Variants in WDSUB1 observed in about 807,000 individuals in gnomAD.
The protein encoded by WDSUB1 is WD repeat, SAM and U-box domain-containing protein 1.
WDSUB1 carries 49 observed loss-of-function variants against 53.9 expected under a neutral mutation model. The observed-to-expected ratio is 0.91, with a 90% confidence interval of 0.72 to 1.15. WDSUB1 has a LOEUF of 1.15. WDSUB1 is among the 50% of genes most tolerant of loss of function. WDSUB1 has a pLI of 0.00. For missense variants in WDSUB1, 514 were observed against 562.0 expected (o/e 0.91, Z 0.86); for synonymous variants, 194 against 200.6 (o/e 0.97, Z 0.28).
chr2:159,242,204 C>T (rs2060671469), intron 10 of WDSUB1, among the ~76,000 whole-genome samples: 1 of 146,804 alleles, frequency 6.8e-6, no homozygotes, highest in Non-Finnish European at 1.5e-5. Context: ...GCACACGCCA[C>T]CACACCCAGC....
chr2:159,274,914 TG>T (rs1241755911), intron 4 of WDSUB1, among the ~76,000 whole-genome samples: 1 of 152,028 alleles, frequency 6.6e-6, no homozygotes. Context: ...ACAAAGAAGA[TG>T]GTGAGCTTTT....
chr2:159,241,676 C>A (rs1470661294), intron 10 of WDSUB1, among the ~76,000 whole-genome samples: 2 of 147,028 alleles, frequency 1.4e-5, no homozygotes, highest in Admixed American at 1.3e-4. Context: ...GGAATGTATA[C>A]AAATGTACCT....
chr2:159,270,983 C>T (rs1054248708), intron 5 of WDSUB1, among the ~76,000 whole-genome samples: 1 of 152,168 alleles, frequency 6.6e-6, no homozygotes, highest in Non-Finnish European at 1.5e-5. Context: ...AAGGTTCCAA[C>T]CACTTTGTTC....
intron 2 of WDSUB1, 90 bp from the exon 3 acceptor site, chr2:159,280,035 A>G: frequency 8.4e-7 from 1 of 1,189,156 alleles, no homozygotes; most frequent in Non-Finnish European, 1.1e-6. Context: ...CAGTGAAAAG[A>G]GAATAAATGG....
At chr2:159,250,510 T>G (rs2060927683) in intron 9 of WDSUB1, among the ~76,000 whole-genome samples, 1 of 152,220 alleles carries the variant, frequency 6.6e-6, no homozygotes, top group Admixed American at 6.5e-5. Flanking sequence ...CAGCACAGTG[T>G]TAGCTGATCA....
At position 159,247,891 on chromosome 2, in the gene WDSUB1, ATATATATATAT is replaced by A. The variant is rs1559531696; in HGVS notation, c.1273+470_1273+480del. ...CTGTAGGCCAAAATTAAATAAATAT[ATATATATATAT>A]ATATATAAATATATATATATATATA... On this transcript the variant is annotated intron_variant, in intron 10 of 10. Coordinates refer to ENST00000359774, the MANE Select transcript of WDSUB1 (RefSeq NM_001128212.3). Among the ~76,000 whole-genome samples the A allele has an allele frequency of 6.0e-4, 13 of 21,834 alleles. 1 individual carries two copies. Among genetic ancestry groups the A allele is most frequent in the Admixed American group, 1.5e-3 (2 of 1,322 alleles). 14.3% of individuals were successfully genotyped at this position (21,834 alleles called of 152,430 possible).
chr2:159,258,425 G>A (rs986107097), intron 6 of WDSUB1, among the ~76,000 whole-genome samples: 2 of 152,190 alleles, frequency 1.3e-5, no homozygotes, highest in Admixed American at 1.3e-4. Flanking sequence ...TCGGGAGGCC[G>A]AGGCAGGTGG....
chr2:159,282,150 T>G (rs770410917), intron 2 of WDSUB1, among the ~76,000 whole-genome samples: 3 of 152,122 alleles, frequency 2.0e-5, no homozygotes, highest in Non-Finnish European at 4.4e-5. Flanking sequence ...AGAATCATAT[T>G]AAACAACTCT....
At chr2:159,283,840 G>T (rs943930108) in intron 1 of WDSUB1, among the ~76,000 whole-genome samples, 5 of 152,058 alleles carry the variant, frequency 3.3e-5, no homozygotes, top group Admixed American at 3.3e-4. Flanking sequence ...GTTGAGACAG[G>T]ATCTCCCTCT....
At chr2:159,250,751 C>A (rs759364406) in intron 9 of WDSUB1, among the ~76,000 whole-genome samples, 3 of 152,058 alleles carry the variant, frequency 2.0e-5, no homozygotes, top group Admixed American at 2.0e-4. Context: ...ATAAGAGGTA[C>A]ATAAGATTAA....
intron 10 of WDSUB1, among the ~76,000 whole-genome samples, chr2:159,242,671 A>C (rs75185525): frequency 0.035 from 5,210 of 147,730 alleles, 622 homozygotes; most frequent in African/African-American, 0.074. Flanking sequence ...TAAATAAAGT[A>C]TGCATCATAA....
intron 5 of WDSUB1, among the ~76,000 whole-genome samples, chr2:159,261,888 ATATATATATTTTTTTTTTTT>A (rs2061226656): frequency 7.0e-5 from 1 of 14,264 alleles, no homozygotes; most frequent in Admixed American, 1.3e-3. Flanking sequence ...ATATATATAT[ATATATATATTTTTTTTTTTT>A]TTTTTTTTTT....
intron 10 of WDSUB1, among the ~76,000 whole-genome samples, chr2:159,241,452 C>CT (rs566399040): frequency 6.6e-6 from 1 of 152,216 alleles, no homozygotes; most frequent in South Asian, 2.1e-4. Context: ...ATCCTAGCTA[C>CT]TAGGGAGGCT....
At chr2:159,267,391 C>T (rs1271506031) in intron 5 of WDSUB1, among the ~76,000 whole-genome samples, 1 of 151,838 alleles carries the variant, frequency 6.6e-6, no homozygotes. Flanking sequence ...GCCTCAAACT[C>T]CTGGGCTCAG....
At chr2:159,279,052 T>G (rs2061599315) in intron 3 of WDSUB1, among the ~76,000 whole-genome samples, 1 of 152,196 alleles carries the variant, frequency 6.6e-6, no homozygotes. Context: ...TGTAGATATA[T>G]CAGGATATAT....
intron 5 of WDSUB1, among the ~76,000 whole-genome samples, chr2:159,261,872 A>T (rs1558855896): frequency 5.6e-4 from 8 of 14,372 alleles, no homozygotes; most frequent in South Asian, 2.7e-3. Flanking sequence ...ATATATATAT[A>T]TATATATATA....
intron 5 of WDSUB1, among the ~76,000 whole-genome samples, chr2:159,262,195 CA>C (rs2061241911): frequency 6.6e-6 from 1 of 151,856 alleles, no homozygotes; most frequent in African/African-American, 2.4e-5. Flanking sequence ...AGACTACCAC[CA>C]GAGACAATTC....
intron 5 of WDSUB1, among the ~76,000 whole-genome samples, chr2:159,265,100 TAA>T (rs2061311266): frequency 4.8e-5 from 6 of 126,046 alleles, no homozygotes; most frequent in Admixed American, 3.7e-4. Flanking sequence ...AAAAAAAAAA[TAA>T]AACAACAACA....
At chr2:159,257,512 G>A (rs977462589) in intron 8 of WDSUB1, among the ~76,000 whole-genome samples, 8 of 151,498 alleles carry the variant, frequency 5.3e-5, no homozygotes, top group African/African-American at 1.2e-4. Flanking sequence ...TCAGCCTCCC[G>A]AGTAGCGGGG....
Sources: allele counts gnomAD v4.1 joint callset (sites outside exome capture counted in the v4.1 genomes callset), GRCh38; gene constraint gnomAD v4.1.1; transcripts MANE v1.5; gene names NCBI Gene and HGNC (gene_info 2026-07-23, HGNC 2026-07-21).